Variants in CPLX1 observed in about 807,000 individuals in gnomAD.
CPLX1 encodes complexin-1.
Under a neutral mutation model 15.6 loss-of-function variants are expected in CPLX1, and 6 were observed. The ratio of observed to expected loss-of-function variants is 0.39; its 90% CI spans 0.21 to 0.76. The LOEUF (loss-of-function observed/expected upper bound fraction) is 0.76, where lower values mean the gene tolerates loss of function less well. Ranked by LOEUF, CPLX1 falls within the 30% of genes least tolerant of loss-of-function variation. The probability of loss-of-function intolerance (pLI) is 0.43; values close to 1 mark genes in which losing one functional copy is unlikely to be tolerated. For missense variants in CPLX1, 242 were observed against 188.6 expected (o/e 1.28, Z -1.66); for synonymous variants, 91 against 75.2 (o/e 1.21, Z -1.08).
chr4:804,831 G>T (rs938469048), intron 2 of CPLX1: 101 of 984,840 alleles, frequency 1.0e-4, no homozygotes, highest in South Asian at 6.1e-4. Flanking sequence ...GCCGGCAAGC[G>T]TGGGGAGCGA....
intron 2 of CPLX1, among the ~76,000 whole-genome samples, chr4:811,778 C>T (rs1746669141): frequency 6.6e-6 from 1 of 152,220 alleles, no homozygotes; most frequent in African/African-American, 2.4e-5. Context: ...GTCCTTCCTG[C>T]TTCTCTGTCC....
At chr4:825,760 G>A (rs1211169301) in intron 1 of CPLX1, among the ~76,000 whole-genome samples, 2 of 151,240 alleles carry the variant, frequency 1.3e-5, no homozygotes, top group African/African-American at 2.4e-5. Context: ...GGAGAGAAAC[G>A]GGGGCTGCGG....
At chr4:806,587 A>ATCAT (rs143860861) in intron 2 of CPLX1, among the ~76,000 whole-genome samples, 10,302 of 152,246 alleles carry the variant, frequency 0.068, 1,135 homozygotes, top group African/African-American at 0.23. Flanking sequence ...AAAAGAAACT[A>ATCAT]TCATCAGAGT....
intron 2 of CPLX1, among the ~76,000 whole-genome samples, chr4:822,210 A>G (rs555845870): frequency 7.9e-6 from 1 of 126,696 alleles, no homozygotes; most frequent in South Asian, 2.5e-4. Flanking sequence ...CTCCATCTCT[A>G]TCTCTCTAAC....
intron 2 of CPLX1, among the ~76,000 whole-genome samples, chr4:813,851 GC>G (rs1443069138): frequency 6.6e-6 from 1 of 152,180 alleles, no homozygotes. Context: ...CTACAGGTAA[GC>G]CCAGAATTCC....
chr4:787,253 C>G (rs917191216), intron 3 of CPLX1: 1 of 985,230 alleles, frequency 1.0e-6, no homozygotes, highest in African/African-American at 1.7e-5. Flanking sequence ...TCCTGGGCTG[C>G]GGTCACTTCC....
Position 786,480 on chromosome 4 carries a change from G to A in CPLX1, c.*21C>T. 1.3e-6 allele frequency: 2 copies of A among 1,535,422 alleles called. No individual in the cohort carries two copies. Among genetic ancestry groups the A allele is most frequent in the Non-Finnish European group, 8.8e-7 (1 of 1,137,306 alleles). ...TAGGGGGAGGGGCGGGGGCTCCGCG[G>A]GGCCGCTGTCCCGCGCGCGGCTACT... On this transcript the variant is annotated 3_prime_UTR_variant, in exon 4 of 4. Coordinates refer to ENST00000304062, the MANE Select transcript of CPLX1 (RefSeq NM_006651.4).
At chr4:804,532 G>C (rs1169635498) in intron 2 of CPLX1, among the ~76,000 whole-genome samples, 2 of 152,062 alleles carry the variant, frequency 1.3e-5, no homozygotes, top group South Asian at 4.2e-4. Flanking sequence ...TAAATCGTAC[G>C]GTTTTGGAAA....
chr4:786,893 G>A (rs1044889425), intron 3 of CPLX1, 195 bp from the exon 4 acceptor site: 2 of 981,014 alleles, frequency 2.0e-6, no homozygotes, highest in African/African-American at 3.5e-5. Flanking sequence ...AGCCCCCACG[G>A]AGAATGGGGG....
intron 3 of CPLX1, among the ~76,000 whole-genome samples, chr4:790,174 A>G (rs13109607): frequency 0.25 from 38,472 of 152,018 alleles, 4,982 homozygotes; most frequent in African/African-American, 0.28. Context: ...GTCCGGGGGG[A>G]TCCACTTTGG....
At chr4:810,783 A>G (rs1746654346) in intron 2 of CPLX1, among the ~76,000 whole-genome samples, 1 of 147,780 alleles carries the variant, frequency 6.8e-6, no homozygotes, top group South Asian at 2.1e-4. Flanking sequence ...TGCAACCTCC[A>G]CCTCCTGGGT....
rs1745948010 is a variant in CPLX1 at position 785,323 on chromosome 4, T to G, written c.*1178A>C. 1 of 152,516 alleles carries G rather than the reference T, an allele frequency of 6.6e-6. No homozygotes were observed. The highest frequency in any genetic ancestry group is 2.4e-5 in the African/African-American group (1 of 41,446). The allele number at this position is 152,516 out of a possible 1,614,324, so 9.4% of individuals were successfully genotyped here. On this transcript the variant is annotated 3_prime_UTR_variant, in exon 4 of 4. Transcript: ENST00000304062. ...CCGGAGGGGCGTCGGTCGTTAGTAT[T>G]GCAGTCTAACGTTATGGCTTCTCTA...
chr4:789,021 C>A (rs1746087156), intron 3 of CPLX1, among the ~76,000 whole-genome samples: 1 of 152,248 alleles, frequency 6.6e-6, no homozygotes. Context: ...ACCCCAGGCC[C>A]TGCCACCAGG....
intron 2 of CPLX1, among the ~76,000 whole-genome samples, chr4:820,907 C>T (rs544372630): frequency 9.9e-5 from 15 of 152,272 alleles, no homozygotes; most frequent in African/African-American, 1.7e-4. Context: ...CCCACGGGGG[C>T]GCGGAGGGGC....
chr4:819,701 C>A (rs1211198331), intron 2 of CPLX1, among the ~76,000 whole-genome samples: 1 of 152,234 alleles, frequency 6.6e-6, no homozygotes, highest in African/African-American at 2.4e-5. Flanking sequence ...ACGGGCCCAC[C>A]CTGGCCCCCA....
intron 2 of CPLX1, among the ~76,000 whole-genome samples, chr4:821,652 T>G (rs1746864474): frequency 6.6e-6 from 1 of 152,168 alleles, no homozygotes; most frequent in Admixed American, 6.5e-5. Context: ...AATTACTCCC[T>G]TGAGGACCCT....
rs760717134 is a variant in CPLX1, at chr4:792,623, G to A, written c.32-15C>T. 6 of 1,606,662 alleles carry A rather than the reference G, an allele frequency of 3.7e-6. No homozygotes were observed. The highest frequency in any genetic ancestry group is 1.1e-5 in the South Asian group (1 of 90,338). ...CTTGGTGGCCCCTGGTACAGAAGTT[G>A]GTGATTCAGACCGCCCCATTCAGAT... On this transcript the variant is annotated splice_polypyrimidine_tract_variant and intron_variant, in intron 2 of 3. Coordinates refer to ENST00000304062, the MANE Select transcript of CPLX1 (RefSeq NM_006651.4).
intron 1 of CPLX1, among the ~76,000 whole-genome samples, chr4:825,372 C>T (rs535058827): frequency 6.6e-6 from 1 of 152,316 alleles, no homozygotes; most frequent in South Asian, 2.1e-4. Flanking sequence ...TCGCCCTCCG[C>T]AGAGGAAGGA....
chr4:789,747 G>C (rs1250313124), intron 3 of CPLX1, among the ~76,000 whole-genome samples: 1 of 152,300 alleles, frequency 6.6e-6, no homozygotes, highest in African/African-American at 2.4e-5. Context: ...TGCCTAGGGG[G>C]CTGGACACTC....
Sources: gnomAD v4.1 joint callset for allele counts (sites outside exome capture counted in the v4.1 genomes callset) on GRCh38, gnomAD v4.1.1 for gene constraint, MANE v1.5 for transcripts, NCBI Gene and HGNC (gene_info 2026-07-23, HGNC 2026-07-21) for gene names.